The following SAFB variants were observed in gnomAD, a reference collection of about 807,000 sequenced individuals.
SAFB encodes the protein scaffold attachment factor B.
SAFB carries 15 observed loss-of-function variants against 101.6 expected under a neutral mutation model. The ratio of observed to expected loss-of-function variants is 0.15; its 90% CI spans 0.10 to 0.23. The LOEUF is 0.23. Ranked by LOEUF, SAFB falls within the 10% of genes least tolerant of loss-of-function variation. The probability of loss-of-function intolerance (pLI) is 1.00; values close to 1 mark genes in which losing one functional copy is unlikely to be tolerated. For synonymous variants in SAFB, 449 were observed against 407.5 expected (o/e 1.10, Z -1.23); for missense variants, 930 against 1,104.1 (o/e 0.84, Z 2.23).
chr19:5,639,088 A>G (rs372831010), intron 2 of SAFB, among the ~76,000 whole-genome samples: 1 of 152,260 alleles, frequency 6.6e-6, no homozygotes, highest in South Asian at 2.1e-4. Flanking sequence ...CAAAAATAAC[A>G]GATCAGTGGA....
intron 13 of SAFB, among the ~76,000 whole-genome samples, 164 bp from the exon 14 acceptor site, chr19:5,657,077 A>C (rs2054079737): frequency 1.3e-5 from 2 of 151,818 alleles, no homozygotes; most frequent in Non-Finnish European, 2.9e-5. Flanking sequence ...GGCAATTTTT[A>C]TATTTTTAGT....
intron 15 of SAFB, among the ~76,000 whole-genome samples, chr19:5,663,641 G>A (rs1264394339): frequency 6.6e-6 from 1 of 152,184 alleles, no homozygotes; most frequent in Non-Finnish European, 1.5e-5. Context: ...AGGGCAGGAG[G>A]TCAGCTTTGG....
chr19:5,655,929 TAAG>T (rs1353244623), intron 13 of SAFB, among the ~76,000 whole-genome samples: 2 of 152,114 alleles, frequency 1.3e-5, no homozygotes, highest in African/African-American at 4.8e-5. Flanking sequence ...AAAGGAAAAT[TAAG>T]AAATTTATTT....
rs770029413 is a variant in SAFB at position 5,667,870 on chromosome 19, C to T, written c.2608C>T (p.Arg870Ter). The T allele has an allele frequency of 6.2e-7, 1 of 1,609,180 alleles. No homozygotes were observed. Among genetic ancestry groups the T allele is most frequent in the African/African-American group, 1.3e-5 (1 of 74,744 alleles). Residue 870 changes from arginine to a stop codon, truncating the protein, a stop_gained, in exon 20 of 21, where the codon CGA becomes TGA. Coordinates refer to ENST00000588852, the MANE Select transcript of SAFB (RefSeq NM_001201338.2). LOFTEE classifies it high-confidence loss of function. This position sits in a 1 kb window ranked among gnomAD's most constrained non-coding sequence, Gnocchi z 4.0. Reference sequence around the variant, plus strand: ...CTCCGGGCCTGGCCACATGATGAACCGAGGAGGAATGTCAGGGTAAGGCAT... The same window carrying T: ...CTCCGGGCCTGGCCACATGATGAACTGAGGAGGAATGTCAGGGTAAGGCAT... Reference protein sequence around the residue: ...GHSGPGHMMNRGGMSGRGSFA... With the variant: ...GHSGPGHMMN
At chr19:5,658,259 A>G (rs1189354000) in intron 14 of SAFB, among the ~76,000 whole-genome samples, 1 of 152,178 alleles carries the variant, frequency 6.6e-6, no homozygotes, top group Non-Finnish European at 1.5e-5. Flanking sequence ...CGGCCTCCCA[A>G]AGTGCAGGGA....
intron 4 of SAFB, among the ~76,000 whole-genome samples, chr19:5,643,271 G>A (rs1044813298): frequency 9.2e-5 from 14 of 151,876 alleles, no homozygotes; most frequent in Non-Finnish European, 4.4e-5. Flanking sequence ...CCCTGTTCTT[G>A]TCCTGGTCCT....
rs911197023 is a variant in SAFB, at chr19:5,654,810, G to C, written c.1755+354G>C. On this transcript the variant is annotated intron_variant, in intron 13 of 20. Transcript: ENST00000588852. Reference sequence around the variant, plus strand: ...TCGAACTCCTCACCTCAGGTGATCCGCCCGCCTCGGCCTCCCAAAAGTGCT... The same window carrying C: ...TCGAACTCCTCACCTCAGGTGATCCCCCCGCCTCGGCCTCCCAAAAGTGCT... 9.9e-5 allele frequency among the ~76,000 whole-genome samples: 15 copies of C among 152,230 alleles called. No individual in the cohort carries two copies. In the East Asian group the frequency reaches 2.9e-3, roughly 29 times the overall value.
intron 2 of SAFB, among the ~76,000 whole-genome samples, chr19:5,627,665 A>T (rs192204200): frequency 6.6e-6 from 1 of 151,794 alleles, no homozygotes; most frequent in Non-Finnish European, 1.5e-5. Flanking sequence ...CAGGCCCCAA[A>T]CACGTGATTT....
intron 17 of SAFB, chr19:5,666,514 C>T (rs1372215112): frequency 4.2e-5 from 7 of 165,218 alleles, no homozygotes; most frequent in Admixed American, 2.8e-4. Context: ...CAGAAACTTC[C>T]GAGAAACTTG....
chr19:5,635,917 A>G (rs1158434422), intron 2 of SAFB, among the ~76,000 whole-genome samples: 1 of 152,012 alleles, frequency 6.6e-6, no homozygotes, highest in Non-Finnish European at 1.5e-5. Context: ...TACTTTTCCC[A>G]TTTGCATTCA....
rs755250595 is a variant in SAFB at position 5,661,769 on chromosome 19, A to AGCGGCGGCCCGCGGT, written c.2125_2139dup (p.Ala709_Pro713dup). On this transcript the variant is annotated inframe_insertion, in exon 15 of 21. Transcript: ENST00000588852. The stretch of plus-strand genomic sequence containing the variant: ...CAGCAGGAACTGCGCTATGAGCAGG[A>AGCGGCGGCCCGCGGT]GCGGCGGCCCGCGGTGCGGCGGCCC... The AGCGGCGGCCCGCGGT allele has an allele frequency of 2.5e-6, 4 of 1,575,088 alleles. No homozygotes were observed. The highest frequency in any genetic ancestry group is 3.4e-6 in the Non-Finnish European group (4 of 1,162,174).
In SAFB at chr19:5,640,681, C is replaced by G. The variant is rs780321410; in HGVS notation, c.275-913C>G. On this transcript the variant is annotated intron_variant, in intron 2 of 20. Transcript: ENST00000588852. ...CTCAGCTCACTGCAACCTAAACCTCCAGAGTTCAAGCGATTTTCCTGCCTC... is the reference window on the plus strand; with the variant it reads ...CTCAGCTCACTGCAACCTAAACCTCGAGAGTTCAAGCGATTTTCCTGCCTC... Among the ~76,000 whole-genome samples the G allele has an allele frequency of 3.2e-4, 49 of 152,226 alleles. 1 individual carries two copies. Among genetic ancestry groups the G allele is most frequent in the African/African-American group, 1.2e-3 (49 of 41,520 alleles).
Position 5,626,445 on chromosome 19 carries a change from T to A in SAFB, c.230T>A (p.Ile77Asn). ...DEGGNPDEIE[I>N]TSEGNKKTSK... ...GGTGGTAATCCTGACGAAATTGAAA[T>A]TACCTCCGAGGGAAACAAGAAAACA... is the stretch of plus-strand genomic sequence containing the variant. Residue 77 changes from isoleucine (I) to asparagine (N), a missense_variant, in exon 2 of 21, where the codon ATT becomes AAT. Physicochemically the swap from Ile to Asn is moderately radical, Grantham distance 149. Coordinates refer to ENST00000588852, the MANE Select transcript of SAFB (RefSeq NM_001201338.2). 1 of 1,611,422 alleles carries A rather than the reference T, an allele frequency of 6.2e-7. No individual in the cohort carries two copies. Among genetic ancestry groups the A allele is most frequent in the South Asian group, 1.1e-5 (1 of 90,980 alleles).
At chr19:5,644,854 A>C (rs531428029) in intron 4 of SAFB, among the ~76,000 whole-genome samples, 1 of 152,174 alleles carries the variant, frequency 6.6e-6, no homozygotes, top group Admixed American at 6.5e-5. Context: ...TCCTGTCCTC[A>C]CCCTCATGCT....
chr19:5,641,213 A>T (rs16993073), intron 2 of SAFB, among the ~76,000 whole-genome samples: 1 of 152,156 alleles, frequency 6.6e-6, no homozygotes, highest in Admixed American at 6.5e-5. Flanking sequence ...ATACTCGGGC[A>T]TGCGCAGTTT....
chr19:5,632,685 G>A (rs2053515700), intron 2 of SAFB, among the ~76,000 whole-genome samples: 1 of 152,150 alleles, frequency 6.6e-6, no homozygotes, highest in Non-Finnish European at 1.5e-5. Context: ...CCCATAATAA[G>A]GATCAAGTTA....
At chr19:5,631,306 A>G (rs186208383) in intron 2 of SAFB, among the ~76,000 whole-genome samples, 199 of 152,320 alleles carry the variant, frequency 1.3e-3, no homozygotes, top group African/African-American at 4.2e-3. Flanking sequence ...TTCACCAGAT[A>G]TTAGTTTTAC....
chr19:5,626,015 C>G (rs1420604080), intron 1 of SAFB, among the ~76,000 whole-genome samples: 1 of 152,084 alleles, frequency 6.6e-6, no homozygotes, highest in African/African-American at 2.4e-5. Flanking sequence ...GTGCCTTTCC[C>G]TTTTTGAGTT....
chr19:5,639,692 C>CA (rs200168940), intron 2 of SAFB, among the ~76,000 whole-genome samples: 5,593 of 90,764 alleles, frequency 0.062, 133 homozygotes, highest in Non-Finnish European at 0.081. Flanking sequence ...GACTCCGTCC[C>CA]AAAAAAAAAA....
Sources: gnomAD v4.1 joint callset for allele counts (sites outside exome capture counted in the v4.1 genomes callset) on GRCh38, gnomAD v4.1.1 for gene constraint, Gnocchi (gnomAD v3.1) non-coding constraint, MANE v1.5 for transcripts, NCBI Gene and HGNC (gene_info 2026-07-23, HGNC 2026-07-21) for gene names.